PLCB1: variants seen among roughly 807,000 people sequenced by gnomAD.
The protein encoded by PLCB1 is 1-phosphatidylinositol 4,5-bisphosphate phosphodiesterase beta-1.
In PLCB1, 46 loss-of-function variants were observed where a neutral mutation model predicts 161.8. The observed-to-expected ratio is 0.28, with a 90% confidence interval of 0.22 to 0.36. The LOEUF is 0.36. Among genes scored for constraint, PLCB1 ranks in the 10% least tolerant of loss-of-function variants. The probability of loss-of-function intolerance (pLI) is 1.00; values close to 1 mark genes in which losing one functional copy is unlikely to be tolerated. For missense variants in PLCB1, 1,016 were observed against 1,472.5 expected, an observed-to-expected ratio of 0.69 and a Z score of 5.07; for synonymous variants, 517 against 503.7, an observed-to-expected ratio of 1.03 and a Z score of -0.35.
At chr20:8,815,875 A>G (rs578018074) in intron 31 of PLCB1, among the ~76,000 whole-genome samples, 9 of 152,346 alleles carry the variant, frequency 5.9e-5, no homozygotes, top group African/African-American at 2.2e-4. Context: ...CTATCTGTCT[A>G]TCTAATTATG....
chr20:8,493,104 C>CA (rs1182579191), intron 3 of PLCB1, among the ~76,000 whole-genome samples: 1 of 152,092 alleles, frequency 6.6e-6, no homozygotes, highest in Non-Finnish European at 1.5e-5. Flanking sequence ...CCTTCTGTAA[C>CA]ATACCTGCCA....
At chr20:8,231,269 T>C (rs1980019588) in intron 2 of PLCB1, among the ~76,000 whole-genome samples, 1 of 152,306 alleles carries the variant, frequency 6.6e-6, no homozygotes, top group African/African-American at 2.4e-5. Flanking sequence ...CCAGATAAGA[T>C]AACTCTTTCT....
intron 3 of PLCB1, among the ~76,000 whole-genome samples, chr20:8,429,638 G>A (rs1979947762): frequency 6.6e-6 from 1 of 151,930 alleles, no homozygotes; most frequent in African/African-American, 2.4e-5. Flanking sequence ...AATATAAAAT[G>A]CATTTTTTAC....
intron 3 of PLCB1, among the ~76,000 whole-genome samples, chr20:8,437,473 A>G (rs116221955): frequency 0.015 from 2,346 of 152,320 alleles, 55 homozygotes; most frequent in African/African-American, 0.053. Flanking sequence ...TTGTAGCACT[A>G]TTGTTTTAGA....
chr20:8,206,291 C>T (rs1237819005), intron 2 of PLCB1, among the ~76,000 whole-genome samples: 1 of 152,148 alleles, frequency 6.6e-6, no homozygotes, highest in Non-Finnish European at 1.5e-5. Flanking sequence ...CCTTCTCCCA[C>T]CTTCTTGGTA....
At chr20:8,314,614 T>A (rs900678578) in intron 2 of PLCB1, among the ~76,000 whole-genome samples, 2 of 152,244 alleles carry the variant, frequency 1.3e-5, no homozygotes, top group Non-Finnish European at 2.9e-5. Context: ...GAGGACTTAA[T>A]GAATTAATAT....
At chr20:8,399,423 G>A (rs1174824160) in intron 3 of PLCB1, among the ~76,000 whole-genome samples, 1 of 151,682 alleles carries the variant, frequency 6.6e-6, no homozygotes, top group Non-Finnish European at 1.5e-5. Flanking sequence ...CATATATAAT[G>A]TTTCCTTCCA....
intron 4 of PLCB1, among the ~76,000 whole-genome samples, chr20:8,633,843 C>T (rs1988678480): frequency 6.6e-6 from 1 of 152,010 alleles, no homozygotes; most frequent in Non-Finnish European, 1.5e-5. Flanking sequence ...ATTAGTCTTA[C>T]CTGTTTTTAA....
intron 2 of PLCB1, among the ~76,000 whole-genome samples, chr20:8,230,743 G>A (rs73607852): frequency 0.032 from 4,860 of 152,072 alleles, 270 homozygotes; most frequent in African/African-American, 0.11. Flanking sequence ...CTCATTTGTC[G>A]CATGTGGCTG....
intron 4 of PLCB1, among the ~76,000 whole-genome samples, chr20:8,629,808 TTTTCTTTCTTTTC>T (rs1210018481): frequency 2.0e-5 from 2 of 99,848 alleles, no homozygotes; most frequent in Admixed American, 9.8e-5. Context: ...CTTTTCTTTC[TTTTCTTTCTTTTC>T]TTTCTTTCTT....
intron 27 of PLCB1, among the ~76,000 whole-genome samples, chr20:8,777,081 G>A (rs1982979187): frequency 6.6e-6 from 1 of 152,144 alleles, no homozygotes; most frequent in South Asian, 2.1e-4. Flanking sequence ...GAGTGTTGGG[G>A]GAACAGCACA....
At chr20:8,821,477 CA>C (rs548686757) in intron 31 of PLCB1, among the ~76,000 whole-genome samples, 256 of 19,186 alleles carry the variant, frequency 0.013, 22 homozygotes, top group African/African-American at 0.021. Context: ...GATTCCGTCT[CA>C]AAAAAAAAAA....
intron 31 of PLCB1, among the ~76,000 whole-genome samples, chr20:8,826,967 T>C (rs1448043791): frequency 6.6e-6 from 1 of 152,194 alleles, no homozygotes; most frequent in African/African-American, 2.4e-5. Context: ...TGTACTGTCA[T>C]TTACTTGGAA....
chr20:8,490,916 A>G lies in PLCB1; in HGVS notation c.246+119466A>G, dbSNP rs144090377. ...TATGTACACATATATATGTGTACAT[A>G]TATATTAGCATATATGTGTGTGTGT... On this transcript the variant is annotated intron_variant, in intron 3 of 31. Transcript: ENST00000338037. Among the ~76,000 whole-genome samples, 486 of 151,338 alleles carry G rather than the reference A, an allele frequency of 3.2e-3. 1 individual carries two copies. Among genetic ancestry groups the G allele is most frequent in the Middle Eastern group, 0.01 (3 of 290 alleles).
At chr20:8,353,747 G>C (rs1986264608) in intron 2 of PLCB1, among the ~76,000 whole-genome samples, 1 of 152,080 alleles carries the variant, frequency 6.6e-6, no homozygotes. Flanking sequence ...ATGCCAAAGA[G>C]ACACCCTAAG....
chr20:8,559,549 C>T (rs950101697), intron 3 of PLCB1, among the ~76,000 whole-genome samples: 16 of 151,992 alleles, frequency 1.1e-4, no homozygotes, highest in Non-Finnish European at 2.4e-4. Flanking sequence ...CAAGAAGATT[C>T]AAGTCTATGC....
chr20:8,821,204 G>T (rs1985334046), intron 31 of PLCB1, among the ~76,000 whole-genome samples: 1 of 151,758 alleles, frequency 6.6e-6, no homozygotes, highest in Non-Finnish European at 1.5e-5. Context: ...TTTAAGGCCG[G>T]GTGCGGTGGC....
intron 1 of PLCB1, among the ~76,000 whole-genome samples, chr20:8,143,891 C>T (rs1181939217): frequency 6.6e-6 from 1 of 152,160 alleles, no homozygotes; most frequent in Non-Finnish European, 1.5e-5. Flanking sequence ...CATTTGGTCC[C>T]AGTAGTTTTT....
intron 2 of PLCB1, among the ~76,000 whole-genome samples, chr20:8,238,230 G>A (rs6039105): frequency 0.022 from 3,349 of 152,038 alleles, 121 homozygotes; most frequent in African/African-American, 0.077. Flanking sequence ...ATAATTTGAG[G>A]AGCTGACAAT....
Sources: gnomAD v4.1 joint callset for allele counts (sites outside exome capture counted in the v4.1 genomes callset) on GRCh38, gnomAD v4.1.1 for gene constraint, MANE v1.5 for transcripts, NCBI Gene and HGNC (gene_info 2026-07-23, HGNC 2026-07-21) for gene names.